The following ABCD4 variants were observed in gnomAD, a reference collection of about 807,000 sequenced individuals.
ABCD4 encodes ATP binding cassette subfamily D member 4.
ABCD4 carries 53 observed loss-of-function variants against 86.3 expected under a neutral mutation model. The ratio of observed to expected loss-of-function variants is 0.61; its 90% CI spans 0.49 to 0.77. The LOEUF is 0.77. Ranked by LOEUF, ABCD4 falls within the 30% of genes least tolerant of loss-of-function variation. The pLI, the probability that ABCD4 is intolerant of heterozygous loss-of-function variation, is 0.00. For synonymous variants in ABCD4, 328 were observed against 313.6 expected (o/e 1.05, Z -0.49); for missense variants, 757 against 764.5 (o/e 0.99, Z 0.12).
chr14:74,302,634 G>C (rs963877659), intron 1 of ABCD4, among the ~76,000 whole-genome samples: 11 of 152,224 alleles, frequency 7.2e-5, no homozygotes, highest in Non-Finnish European at 1.6e-4. Context: ...CGAGGGTGAG[G>C]GTCCCACACC....
chr14:74,289,465 T>C lies in ABCD4; in HGVS notation c.1456+18A>G. 1 of 1,613,648 alleles carries C rather than the reference T, an allele frequency of 6.2e-7. No individual in the cohort carries two copies. The highest frequency in any genetic ancestry group is 8.5e-7 in the Non-Finnish European group (1 of 1,179,854). On this transcript the variant is annotated intron_variant, in intron 14 of 18. Coordinates refer to ENST00000356924, the MANE Select transcript of ABCD4 (RefSeq NM_005050.4). ...CATGACAGAAGGAGAGGACATGACC[T>C]AAGGAGGACCAGCTCACCTGAGTCG... is the stretch of plus-strand genomic sequence containing the variant.
At chr14:74,297,225 CT>C (rs2083097939) in intron 4 of ABCD4, 1 of 152,250 alleles carries the variant, frequency 6.6e-6, no homozygotes, top group East Asian at 1.9e-4. Context: ...GAAACACTTG[CT>C]ATGTGTCAAG....
chr14:74,288,605 C>G (rs1202790160), intron 15 of ABCD4, 111 bp downstream of exon 15: 1 of 1,271,720 alleles, frequency 7.9e-7, no homozygotes, highest in Admixed American at 2.0e-5. Context: ...TTCTCCACCC[C>G]AGGTTCAGAC....
chr14:74,286,430 C>T lies in ABCD4; in HGVS notation c.*31G>A, dbSNP rs1421570868. 1 of 1,612,548 alleles carries T rather than the reference C, an allele frequency of 6.2e-7. No homozygotes were observed. Among genetic ancestry groups the T allele is most frequent in the African/African-American group, 1.3e-5 (1 of 74,930 alleles). On this transcript the variant is annotated 3_prime_UTR_variant, in exon 19 of 19. Coordinates refer to ENST00000356924, the MANE Select transcript of ABCD4 (RefSeq NM_005050.4). Reference sequence around the variant, plus strand: ...TCTCCTGAGGGCCGCCGACCCGCCACAGTGTGGCTCTCCTTCCAAAAGCCA... The same window carrying T: ...TCTCCTGAGGGCCGCCGACCCGCCATAGTGTGGCTCTCCTTCCAAAAGCCA...
intron 11 of ABCD4, among the ~76,000 whole-genome samples, chr14:74,290,767 C>T (rs909666140): frequency 6.7e-6 from 1 of 148,324 alleles, no homozygotes; most frequent in African/African-American, 2.5e-5. Context: ...TCACTGCAAC[C>T]TCCGCCTCCT....
chr14:74,290,271 A>G lies in ABCD4; in HGVS notation c.1327+20T>C, dbSNP rs2081126605. On this transcript the variant is annotated intron_variant, in intron 12 of 18. Transcript: ENST00000356924. ...CTAGGGCCCAGGCTGGGTCAGAGGC[A>G]GGGAGGGCCTGGCTCTCACCCCGTG... is the stretch of plus-strand genomic sequence containing the variant. 3.1e-6 allele frequency: 5 copies of G among 1,613,934 alleles called. No individual in the cohort carries two copies. Among genetic ancestry groups the G allele is most frequent in the Non-Finnish European group, 4.2e-6 (5 of 1,179,950 alleles).
Position 74,292,440 on chromosome 14 carries a change from T to C in ABCD4, c.1029-64A>G. The stretch of plus-strand genomic sequence containing the variant: ...CCAGGTGAAGGTGAACTCCTTTTCC[T>C]ATCTCACACCCACGAGTACATGGTA... On this transcript the variant is annotated intron_variant, in intron 10 of 18. Transcript: ENST00000356924. 1.9e-6 allele frequency: 3 copies of C among 1,595,266 alleles called. No individual in the cohort carries two copies. In the South Asian group the frequency reaches 3.3e-5, roughly 18 times the overall value.
intron 11 of ABCD4, among the ~76,000 whole-genome samples, chr14:74,292,059 A>G (rs1046979053): frequency 2.0e-5 from 3 of 151,778 alleles, no homozygotes; most frequent in Non-Finnish European, 4.4e-5. Flanking sequence ...TCTCAGGCAG[A>G]AGGTGTGTGT....
intron 13 of ABCD4, chr14:74,289,743 G>A (rs2080944125): frequency 9.1e-6 from 13 of 1,434,434 alleles, no homozygotes; most frequent in Non-Finnish European, 1.2e-5. Flanking sequence ...CCTCCTGAGG[G>A]CAGGGGCCCC....
intron 7 of ABCD4, 117 bp from the exon 8 acceptor site, chr14:74,293,365 C>A: frequency 2.3e-6 from 2 of 886,556 alleles, no homozygotes; most frequent in South Asian, 1.6e-5. Flanking sequence ...TGATCTTGGT[C>A]TCAGGATCTG....
At position 74,292,556 on chromosome 14, in the gene ABCD4, C is replaced by T. The variant is rs35522023; in HGVS notation, c.1023G>A (p.Thr341=). The change falls in exon 10 of 19, where the codon ACG becomes ACA. Residue 341 remains threonine, a synonymous_variant. Coordinates refer to ENST00000356924, the MANE Select transcript of ABCD4 (RefSeq NM_005050.4). The part of the protein sequence containing the change: ...STTLSDVAGY[T]HRIGQLRETL... ...GGGGTGGGACACGGCCTCACCTGTG[C>T]GTGTAGCCAGCCACATCTGAGAGCG... The T allele has an allele frequency of 7.9e-4, 1,282 of 1,613,836 alleles. 5 individuals carry two copies. In the African/African-American group the frequency reaches 0.014, roughly 17 times the overall value.
At position 74,292,532 on chromosome 14, in the gene ABCD4, G is replaced by C; in HGVS notation, c.1028+19C>G. On this transcript the variant is annotated intron_variant, in intron 10 of 18. Coordinates refer to ENST00000356924, the MANE Select transcript of ABCD4 (RefSeq NM_005050.4). ...CACACACTTTGCTCAGGAGCCAGAG[G>C]GGTGGGACACGGCCTCACCTGTGCG... 1 of 1,612,622 alleles carries C rather than the reference G, an allele frequency of 6.2e-7. No homozygotes were observed. The highest frequency in any genetic ancestry group is 8.5e-7 in the Non-Finnish European group (1 of 1,178,964).
intron 4 of ABCD4, chr14:74,297,716 C>T (rs181789224): frequency 1.4e-4 from 175 of 1,284,656 alleles, no homozygotes; most frequent in Non-Finnish European, 1.7e-4. Flanking sequence ...CATGCCACTG[C>T]ACCTGGCAGG....
In ABCD4 at chr14:74,292,394, A is replaced by T. The variant is rs1228107083; in HGVS notation, c.1029-18T>A. On this transcript the variant is annotated intron_variant, in intron 10 of 18. Transcript: ENST00000356924. ...GCCCAATTCTGAACAAGAAAAGAAA[A>T]TCTGAGGCAGGGTCTGGGAGCCAGG... The T allele has an allele frequency of 6.2e-7, 1 of 1,613,696 alleles. No individual in the cohort carries two copies. The highest frequency in any genetic ancestry group is 1.7e-5 in the Admixed American group (1 of 60,010).
chr14:74,288,248 C>T lies in ABCD4; in HGVS notation c.1518G>A (p.Val506=), dbSNP rs372838114. ...FLELAGLSNL[V]ARTEGLDQQV... ...GCTGGTCCAGGCCCTCTGTCCTTGC[C>T]ACCAAGTTGGACTGTAACAGACCCA... The change falls in exon 16 of 19, where the codon GTG becomes GTA. Residue 506 remains valine (V), a synonymous_variant. Transcript: ENST00000356924. 93 of 1,609,196 alleles carry T rather than the reference C, an allele frequency of 5.8e-5. No homozygotes were observed. Among genetic ancestry groups the T allele is most frequent in the Middle Eastern group, 1.9e-4 (1 of 5,178 alleles).
Position 74,300,540 on chromosome 14 carries a change from T to C in ABCD4, c.39-272A>G, listed in dbSNP as rs188455954. Among the ~76,000 whole-genome samples the C allele has an allele frequency of 8.7e-3, 1,249 of 143,804 alleles. 11 individuals are homozygous for C. Among genetic ancestry groups the C allele is most frequent in the African/African-American group, 0.031 (1,183 of 38,580 alleles). The allele number at this position is 143,804 out of a possible 152,430, so 94.3% of individuals were successfully genotyped here. On this transcript the variant is annotated intron_variant, in intron 1 of 18. Transcript: ENST00000356924. The stretch of plus-strand genomic sequence containing the variant: ...CTGGGAGGCAGAGGTTGCAGTGAGC[T>C]GAGATTGCGCCATTGCAACAAGAGC...
chr14:74,289,930 T>C lies in ABCD4; in HGVS notation c.1419+97A>G. ...CACTTCACCACCTCACCTTTTGCCC[T>C]GACTCTAGGACCTGAGACTTGTCAC... On this transcript the variant is annotated intron_variant, in intron 13 of 18. Transcript: ENST00000356924. The C allele has an allele frequency of 3.8e-6, 6 of 1,581,090 alleles. No homozygotes were observed. In the South Asian group the frequency reaches 7.1e-5, roughly 19 times the overall value.
rs577459177 is a variant in ABCD4, at chr14:74,301,599, G to A, written c.38+1276C>T. The stretch of plus-strand genomic sequence containing the variant: ...ATAAACACATGAAAATGTAGGCCGG[G>A]AGCAGTGGCTCACGTCTGTAATTCC... On this transcript the variant is annotated intron_variant, in intron 1 of 18. Coordinates refer to ENST00000356924, the MANE Select transcript of ABCD4 (RefSeq NM_005050.4). 5.9e-5 allele frequency among the ~76,000 whole-genome samples: 9 copies of A among 152,346 alleles called. No homozygotes were observed. The South Asian group carries it at 1.9e-3, about 32-fold the overall frequency.
intron 1 of ABCD4, among the ~76,000 whole-genome samples, chr14:74,302,155 G>A (rs545849319): frequency 6.6e-6 from 1 of 152,096 alleles, no homozygotes; most frequent in Non-Finnish European, 1.5e-5. Flanking sequence ...TGCACAAGGA[G>A]ACAACTGCCA....
Sources: allele counts gnomAD v4.1 joint callset (sites outside exome capture counted in the v4.1 genomes callset), GRCh38; gene constraint gnomAD v4.1.1; transcripts MANE v1.5; gene names NCBI Gene and HGNC (gene_info 2026-07-23, HGNC 2026-07-21).